GDPD4: variants seen among roughly 807,000 people sequenced by gnomAD.
GDPD4 encodes the protein glycerophosphodiester phosphodiesterase domain containing 4.
Under a neutral mutation model 67.8 loss-of-function variants are expected in GDPD4, and 60 were observed. The observed-to-expected ratio is 0.88, with a 90% CI of 0.72 to 1.10. The LOEUF (loss-of-function observed/expected upper bound fraction) is 1.10. GDPD4 is among the 50% of genes least tolerant of loss of function. GDPD4 has a pLI of 0.00. For synonymous variants in GDPD4, 212 were observed against 210.9 expected (o/e 1.00, Z -0.04); for missense variants, 623 against 613.9 (o/e 1.01, Z -0.16).
At chr11:77,295,067 C>A (rs889754376) in intron 1 of GDPD4, among the ~76,000 whole-genome samples, 1 of 146,140 alleles carries the variant, frequency 6.8e-6, no homozygotes, top group Non-Finnish European at 1.5e-5. Flanking sequence ...CTCCCAGGAG[C>A]AATTATCTTG....
At chr11:77,235,709 C>T (rs1023068842) in intron 13 of GDPD4, among the ~76,000 whole-genome samples, 7 of 152,164 alleles carry the variant, frequency 4.6e-5, no homozygotes, top group Admixed American at 2.0e-4. Context: ...AATCCCAATG[C>T]TTTCGGAGGC....
chr11:77,235,074 T>C (rs1299236972), intron 13 of GDPD4, among the ~76,000 whole-genome samples: 2 of 142,196 alleles, frequency 1.4e-5, no homozygotes, highest in African/African-American at 5.2e-5. Context: ...TGGTGTGAGA[T>C]GGTATCTCAT....
chr11:77,290,558 T>C (rs899555514), intron 1 of GDPD4, among the ~76,000 whole-genome samples: 1 of 152,096 alleles, frequency 6.6e-6, no homozygotes, highest in Non-Finnish European at 1.5e-5. Flanking sequence ...AAAAAAATTA[T>C]TGAAACAAAT....
intron 14 of GDPD4, among the ~76,000 whole-genome samples, chr11:77,231,188 A>T (rs888518700): frequency 1.3e-5 from 2 of 152,242 alleles, no homozygotes; most frequent in African/African-American, 4.8e-5. Flanking sequence ...AAGCTAACTG[A>T]TAAAGTGTAT....
intron 16 of GDPD4, among the ~76,000 whole-genome samples, chr11:77,221,429 A>ATGTC (rs1958222131): frequency 1.3e-5 from 2 of 151,928 alleles, no homozygotes; most frequent in African/African-American, 4.8e-5. Context: ...CTGGTATGTT[A>ATGTC]TGTCTTTTTT....
intron 16 of GDPD4, among the ~76,000 whole-genome samples, chr11:77,223,546 C>T (rs1035254396): frequency 1.3e-5 from 2 of 152,148 alleles, no homozygotes; most frequent in African/African-American, 4.8e-5. Flanking sequence ...AATATTGCTG[C>T]CTGATTCTTA....
rs757541625 is a variant in GDPD4 at position 77,268,974 on chromosome 11, C to T, written c.574G>A (p.Glu192Lys). The T allele has an allele frequency of 9.9e-6, 16 of 1,613,990 alleles. No homozygotes were observed. Among genetic ancestry groups the T allele is most frequent in the Non-Finnish European group, 2.5e-6 (3 of 1,179,988 alleles). Residue 192 changes from glutamate (E) to lysine (K), a missense_variant, in exon 9 of 17, where the codon GAG becomes AAG. Physicochemically the swap from Glu to Lys is moderately conservative, Grantham distance 56. Transcript: ENST00000315938. Reference sequence around the variant, plus strand: ...ATGGTTGGCTTGGGCCCCAAATTCTCCTTCTCCTGAATGCAGGGAGAATAA... The same window carrying T: ...ATGGTTGGCTTGGGCCCCAAATTCTTCTTCTCCTGAATGCAGGGAGAATAA... ...GIYSPCIQEK[E>K]NLGPKPTIFG...
intron 11 of GDPD4, among the ~76,000 whole-genome samples, chr11:77,251,455 C>G (rs1360613806): frequency 6.6e-6 from 1 of 152,134 alleles, no homozygotes; most frequent in Non-Finnish European, 1.5e-5. Context: ...GACTTCCTCC[C>G]TCATTTCTGA....
At chr11:77,277,580 T>C (rs1055346210) in intron 4 of GDPD4, among the ~76,000 whole-genome samples, 3 of 151,756 alleles carry the variant, frequency 2.0e-5, no homozygotes, top group African/African-American at 4.8e-5. Context: ...TTTTTTTTTA[T>C]ATTTTTAGTA....
At chr11:77,239,370 G>A (rs769324371) in intron 13 of GDPD4, among the ~76,000 whole-genome samples, 52 of 152,124 alleles carry the variant, frequency 3.4e-4, no homozygotes, top group Non-Finnish European at 6.3e-4. Flanking sequence ...GAAAGAAAAG[G>A]CATCCAAATA....
intron 4 of GDPD4, among the ~76,000 whole-genome samples, chr11:77,278,354 C>A (rs1003495963): frequency 2.6e-5 from 4 of 152,144 alleles, no homozygotes; most frequent in Non-Finnish European, 4.4e-5. Flanking sequence ...TCATGAAGCT[C>A]CCTCAGTCCA....
At chr11:77,228,103 GCTCA>G (rs1190214439) in intron 15 of GDPD4, among the ~76,000 whole-genome samples, 187 bp from the exon 16 acceptor site, 3 of 152,166 alleles carry the variant, frequency 2.0e-5, no homozygotes, top group Admixed American at 2.0e-4. Context: ...AGGCACGGTG[GCTCA>G]CACCTGTAAT....
chr11:77,257,402 G>A (rs1283335658), intron 11 of GDPD4, among the ~76,000 whole-genome samples: 1 of 151,992 alleles, frequency 6.6e-6, no homozygotes, highest in Non-Finnish European at 1.5e-5. Flanking sequence ...AAACACTCAA[G>A]GATAATTCTA....
chr11:77,259,782 A>G (rs751125236), intron 10 of GDPD4, among the ~76,000 whole-genome samples: 1 of 152,184 alleles, frequency 6.6e-6, no homozygotes, highest in Non-Finnish European at 1.5e-5. Context: ...ACAAACACAC[A>G]GTTCCAAGAA....
rs1477245415 is a variant in GDPD4, at chr11:77,268,903, G to A, written c.624+21C>T. ...CCCACACATACTTATTTTCACCCAT[G>A]TTCATCATGCTCAGACCTACCATGG... On this transcript the variant is annotated intron_variant, in intron 9 of 16. Coordinates refer to ENST00000315938, the MANE Select transcript of GDPD4 (RefSeq NM_182833.3). 3.7e-6 allele frequency: 6 copies of A among 1,610,704 alleles called. No individual in the cohort carries two copies. The African/African-American group carries it at 6.7e-5, about 18-fold the overall frequency.
At chr11:77,292,049 T>C (rs1762545816) in intron 1 of GDPD4, among the ~76,000 whole-genome samples, 1 of 152,046 alleles carries the variant, frequency 6.6e-6, no homozygotes, top group Non-Finnish European at 1.5e-5. Flanking sequence ...TTATTATTAT[T>C]ATTCATACTT....
At chr11:77,285,546 A>G (rs1199726379) in intron 2 of GDPD4, among the ~76,000 whole-genome samples, 1 of 152,204 alleles carries the variant, frequency 6.6e-6, no homozygotes, top group Admixed American at 6.5e-5. Context: ...TGTTTTGTTC[A>G]GCAATTAATT....
intron 16 of GDPD4, among the ~76,000 whole-genome samples, chr11:77,218,377 C>A (rs954495108): frequency 2.0e-5 from 3 of 152,042 alleles, no homozygotes; most frequent in Non-Finnish European, 4.4e-5. Context: ...TTGGGGTTAT[C>A]ATAGGATAGT....
At chr11:77,223,257 T>C (rs1416587685) in intron 16 of GDPD4, among the ~76,000 whole-genome samples, 1 of 152,220 alleles carries the variant, frequency 6.6e-6, no homozygotes, top group Non-Finnish European at 1.5e-5. Context: ...CTTTGTTCTG[T>C]TGCTGGCAAG....
Sources: gnomAD v4.1 joint callset for allele counts (sites outside exome capture counted in the v4.1 genomes callset) on GRCh38, gnomAD v4.1.1 for gene constraint, MANE v1.5 for transcripts, NCBI Gene and HGNC (gene_info 2026-07-23, HGNC 2026-07-21) for gene names.